The following CCDC80 variants were observed in gnomAD, a reference collection of about 807,000 sequenced individuals.
CCDC80 encodes the protein coiled-coil domain containing 80.
A neutral mutation model predicts 78.7 loss-of-function variants in CCDC80; 49 were observed. That is an observed-to-expected ratio of 0.62 (90% confidence interval 0.50 to 0.79). The LOEUF (loss-of-function observed/expected upper bound fraction) is 0.79. CCDC80 is among the 30% of genes least tolerant of loss of function. The pLI, the probability that CCDC80 is intolerant of heterozygous loss-of-function variation, is 0.00. For missense variants in CCDC80, 1,205 were observed against 1,198.6 expected, an observed-to-expected ratio of 1.01 and a Z score of -0.08; for synonymous variants, 488 against 447.0, an observed-to-expected ratio of 1.09 and a Z score of -1.16.
At position 112,619,038 on chromosome 3, in the gene CCDC80, A is replaced by C. The variant is rs754921290; in HGVS notation, c.2102T>G (p.Leu701Arg). The change falls in exon 4 of 8, where the codon CTG (leucine) becomes CGG (arginine). Residue 701 changes from leucine to arginine, a missense_variant. By Grantham distance (102) the Leu-to-Arg change is moderately radical. Transcript: ENST00000206423. ...GTAGGTCATTCCGTACTCTTTCCTC[A>C]GCTCGCTGATGAGACGCTGGTCTAC... ...DLVDQRLISE[L>R]RKEYGMTYND... 6.2e-7 allele frequency: 1 copy of C among 1,611,976 alleles called. No individual in the cohort carries two copies. Among genetic ancestry groups the C allele is most frequent in the South Asian group, 1.1e-5 (1 of 90,504 alleles).
chr3:112,631,790 C>T (rs562864019), intron 2 of CCDC80, among the ~76,000 whole-genome samples: 2 of 152,194 alleles, frequency 1.3e-5, no homozygotes, highest in East Asian at 1.9e-4. Context: ...GAATTCTCCC[C>T]GCATGACAAA....
Position 112,639,167 on chromosome 3 carries a change from G to C in CCDC80, c.739C>G (p.Arg247Gly). 1 of 1,614,078 alleles carries C rather than the reference G, an allele frequency of 6.2e-7. No individual in the cohort carries two copies. Among genetic ancestry groups the C allele is most frequent in the Non-Finnish European group, 8.5e-7 (1 of 1,180,012 alleles). ...TCCAGCCTAACGGGATATGGATAGC[G>C]CTCCTCCACCTGCAGCGTCTTCTTC... Reference protein sequence around the residue: ...LLKKTLQVEERYPYPVRLEAM... With the variant: ...LLKKTLQVEEGYPYPVRLEAM... Residue 247 changes from arginine to glycine, a missense_variant, in exon 2 of 8, where the codon CGC becomes GGC. Coordinates refer to ENST00000206423, the MANE Select transcript of CCDC80 (RefSeq NM_199511.3).
At chr3:112,623,995 C>T (rs774704527) in intron 3 of CCDC80, among the ~76,000 whole-genome samples, 1 of 152,182 alleles carries the variant, frequency 6.6e-6, no homozygotes, top group Non-Finnish European at 1.5e-5. Flanking sequence ...TCACCTTTTA[C>T]ATCCTTTCAG....
rs147879635 is a variant in CCDC80 at position 112,599,608 on chromosome 3, C to G, written c.*5809G>C. The G allele has an allele frequency of 6.6e-6, 1 of 152,372 alleles. No individual in the cohort carries two copies. Among genetic ancestry groups the G allele is most frequent in the East Asian group, 1.9e-4 (1 of 5,180 alleles). The allele number at this position is 152,372 out of a possible 1,614,324, so 9.4% of individuals were successfully genotyped here. On this transcript the variant is annotated 3_prime_UTR_variant, in exon 8 of 8. Transcript: ENST00000206423. ...TATTTTTCTACAATCTCCACACATT[C>G]AGTACTGAGACACATTAAGAAGGGC...
chr3:112,626,466 A>G (rs1186690769), intron 3 of CCDC80, among the ~76,000 whole-genome samples: 1 of 152,182 alleles, frequency 6.6e-6, no homozygotes, highest in African/African-American at 2.4e-5. Flanking sequence ...AGAAAGAACA[A>G]TTCTCTTCAA....
At chr3:112,609,461 CT>C (rs1261111025) in intron 6 of CCDC80, among the ~76,000 whole-genome samples, 2 of 151,904 alleles carry the variant, frequency 1.3e-5, no homozygotes, top group African/African-American at 4.8e-5. Flanking sequence ...GATAAAAATC[CT>C]TTTTTAAAAA....
At chr3:112,633,618 C>G (rs1257143897) in intron 2 of CCDC80, among the ~76,000 whole-genome samples, 1 of 152,106 alleles carries the variant, frequency 6.6e-6, no homozygotes, top group Non-Finnish European at 1.5e-5. Context: ...AAAGGGGTCC[C>G]CTGGTTGTTG....
At chr3:112,618,522 G>A (rs750883295) in intron 4 of CCDC80, among the ~76,000 whole-genome samples, 8 of 150,258 alleles carry the variant, frequency 5.3e-5, no homozygotes, top group Non-Finnish European at 7.4e-5. Context: ...GTGAGACTCC[G>A]TCTCAAAATA....
chr3:112,607,171 A>G lies in CCDC80; in HGVS notation c.2506+5T>C. 1.2e-6 allele frequency: 2 copies of G among 1,601,066 alleles called. No individual in the cohort carries two copies. The highest frequency in any genetic ancestry group is 1.7e-6 in the Non-Finnish European group (2 of 1,170,800). On this transcript the variant is annotated splice_donor_5th_base_variant and intron_variant, in intron 7 of 7. Coordinates refer to ENST00000206423, the MANE Select transcript of CCDC80 (RefSeq NM_199511.3). Reference sequence around the variant, plus strand: ...TCATACTGTTTCAAGATAACAACACATTACCATTAATTGGGAACAGTTCTA... The same window carrying G: ...TCATACTGTTTCAAGATAACAACACGTTACCATTAATTGGGAACAGTTCTA...
At chr3:112,620,275 A>G (rs1390428503) in intron 3 of CCDC80, among the ~76,000 whole-genome samples, 1 of 152,246 alleles carries the variant, frequency 6.6e-6, no homozygotes, top group Non-Finnish European at 1.5e-5. Flanking sequence ...GCAAATCAAA[A>G]TGAGAGGGGA....
chr3:112,602,312 C>T lies in CCDC80; in HGVS notation c.*3105G>A, dbSNP rs1305777886. 1.3e-5 allele frequency: 2 copies of T among 152,186 alleles called. No individual in the cohort carries two copies. The highest frequency in any genetic ancestry group is 2.9e-5 in the Non-Finnish European group (2 of 68,032). 9.4% of individuals were successfully genotyped at this position (152,186 alleles called of 1,614,324 possible). Reference sequence around the variant, plus strand: ...TCTCAGGCCTCCTTAGTCCCTGAGACACAATATTGAAAGTAGATCAATTAA... The same window carrying T: ...TCTCAGGCCTCCTTAGTCCCTGAGATACAATATTGAAAGTAGATCAATTAA... On this transcript the variant is annotated 3_prime_UTR_variant, in exon 8 of 8. Transcript: ENST00000206423.
intron 1 of CCDC80, 72 bp from the exon 2 acceptor site, chr3:112,639,988 A>C (rs1936310773): frequency 6.7e-7 from 1 of 1,492,032 alleles, no homozygotes; most frequent in South Asian, 1.4e-5. Context: ...ATCTGGAAAC[A>C]GAGCTGGTCA....
chr3:112,617,860 G>T (rs1240760857), intron 4 of CCDC80, among the ~76,000 whole-genome samples: 3 of 152,238 alleles, frequency 2.0e-5, no homozygotes, highest in Non-Finnish European at 4.4e-5. Flanking sequence ...ATGCTTTAAA[G>T]AAGTATTAAG....
At position 112,638,952 on chromosome 3, in the gene CCDC80, T is replaced by C. The variant is rs1263093252; in HGVS notation, c.954A>G (p.Ala318=). The change falls in exon 2 of 8, where the codon GCA becomes GCG. Residue 318 remains alanine (A), a synonymous_variant. Coordinates refer to ENST00000206423, the MANE Select transcript of CCDC80 (RefSeq NM_199511.3). The stretch of plus-strand genomic sequence containing the variant: ...GACTCTCTCTGGTTGGTGGGACTTG[T>C]GCTCTCCTTGGGTCCTCTTTCTTCT... ...SEKKKEDPRR[A]QVPPTRESRV... is the part of the protein sequence containing the mutation. The C allele has an allele frequency of 4.3e-6, 7 of 1,612,968 alleles. No individual in the cohort carries two copies. The highest frequency in any genetic ancestry group is 5.9e-6 in the Non-Finnish European group (7 of 1,180,000).
intron 2 of CCDC80, among the ~76,000 whole-genome samples, chr3:112,632,975 T>C (rs1936127766): frequency 6.6e-6 from 1 of 152,120 alleles, no homozygotes; most frequent in African/African-American, 2.4e-5. Context: ...GAAAGAATAA[T>C]TGCAGTCAAA....
Position 112,616,945 on chromosome 3 carries a change from G to A in CCDC80, c.2173-87C>T. 3.0e-6 allele frequency: 4 copies of A among 1,338,538 alleles called. No individual in the cohort carries two copies. The South Asian group carries it at 5.3e-5, about 18-fold the overall frequency. 82.9% of individuals were successfully genotyped at this position (1,338,538 alleles called of 1,614,324 possible). ...GATAGAGAACCTGTGAGAATTCAGA[G>A]GAGCTCTGGGGAAATCTTTGAAATC... On this transcript the variant is annotated intron_variant, in intron 4 of 7. Coordinates refer to ENST00000206423, the MANE Select transcript of CCDC80 (RefSeq NM_199511.3).
chr3:112,615,424 G>A (rs761656639), intron 5 of CCDC80, among the ~76,000 whole-genome samples: 6 of 152,076 alleles, frequency 3.9e-5, no homozygotes, highest in Non-Finnish European at 8.8e-5. Flanking sequence ...TGGGACCTCT[G>A]TAAGTTTGTT....
chr3:112,638,380 T>C lies in CCDC80; in HGVS notation c.1526A>G (p.Lys509Arg), dbSNP rs371056820. ...DKILSNEYEE[K>R]YDLSRPTASQ... ...GGCAGTAGGCCGGCTGAGGTCATACTTCTCCTCATACTCATTACTAAGAAT... is the reference window on the plus strand; with the variant it reads ...GGCAGTAGGCCGGCTGAGGTCATACCTCTCCTCATACTCATTACTAAGAAT... Residue 509 changes from lysine (K) to arginine (R), a missense_variant, in exon 2 of 8, where the codon AAG (lysine) becomes AGG (arginine). Coordinates refer to ENST00000206423, the MANE Select transcript of CCDC80 (RefSeq NM_199511.3). The C allele has an allele frequency of 5.0e-6, 8 of 1,614,070 alleles. No homozygotes were observed. Among genetic ancestry groups the C allele is most frequent in the South Asian group, 1.1e-5 (1 of 91,072 alleles).
At chr3:112,610,199 A>C (rs1044534141) in intron 5 of CCDC80, 118 bp from the exon 6 acceptor site, 1 of 789,902 alleles carries the variant, frequency 1.3e-6, no homozygotes, top group Admixed American at 2.1e-5. Context: ...AAAAAAAAAG[A>C]AAAAAACAGA....
Sources: gnomAD v4.1 joint callset for allele counts (sites outside exome capture counted in the v4.1 genomes callset) on GRCh38, gnomAD v4.1.1 for gene constraint, MANE v1.5 for transcripts, NCBI Gene and HGNC (gene_info 2026-07-23, HGNC 2026-07-21) for gene names.